Variants in R3HDM1 observed in about 807,000 individuals in gnomAD.
R3HDM1 encodes R3H domain-containing protein 1.
R3HDM1 carries 46 observed loss-of-function variants against 141.1 expected under a neutral mutation model. The observed-to-expected ratio is 0.33, with a 90% CI of 0.26 to 0.42. R3HDM1 has a LOEUF of 0.42. Among genes scored for constraint, R3HDM1 ranks in the 10% least tolerant of loss-of-function variants. The pLI, the probability that R3HDM1 is intolerant of heterozygous loss-of-function variation, is 1.00. For missense variants in R3HDM1, 1,184 were observed against 1,368.3 expected, an observed-to-expected ratio of 0.87 and a Z score of 2.12; for synonymous variants, 435 against 472.9, an observed-to-expected ratio of 0.92 and a Z score of 1.04.
intron 1 of R3HDM1, among the ~76,000 whole-genome samples, chr2:135,537,275 GTC>G (rs1696372447): frequency 7.8e-6 from 1 of 127,430 alleles, no homozygotes; most frequent in Non-Finnish European, 1.6e-5. Flanking sequence ...GCATTAGTCT[GTC>G]TTTTTTTTTT....
At chr2:135,695,217 C>G (rs1255328427) in intron 21 of R3HDM1, among the ~76,000 whole-genome samples, 1 of 152,186 alleles carries the variant, frequency 6.6e-6, no homozygotes, top group Non-Finnish European at 1.5e-5. Context: ...CAACACCCAA[C>G]AAGGTTAAAT....
chr2:135,641,973 ATT>A (rs11303510), intron 15 of R3HDM1, among the ~76,000 whole-genome samples, 183 bp downstream of exon 15: 2 of 151,958 alleles, frequency 1.3e-5, no homozygotes, highest in East Asian at 1.9e-4. Flanking sequence ...ATCAGAAAGC[ATT>A]TTTTTCCCCT....
chr2:135,650,668 G>T, intron 17 of R3HDM1: 1 of 983,900 alleles, frequency 1.0e-6, no homozygotes, highest in Non-Finnish European at 1.2e-6. Context: ...ACCATTCACT[G>T]AATTAGGCTA....
At chr2:135,715,446 A>C in intron 23 of R3HDM1, 104 bp from the exon 24 acceptor site, 4 of 1,281,474 alleles carry the variant, frequency 3.1e-6, no homozygotes, top group Non-Finnish European at 4.2e-6. Flanking sequence ...TGCTTCTATA[A>C]TGTTTGAATT....
rs2105274918 is a variant in R3HDM1 at position 135,650,011 on chromosome 2, A to G, written c.1725+8A>G. The stretch of plus-strand genomic sequence containing the variant: ...ACCCAGCAATACTCTGTGGTACTAT[A>G]TCTCTATTCACCTCCTGCGTTGTTT... On this transcript the variant is annotated splice_region_variant and intron_variant, in intron 17 of 26. Coordinates refer to ENST00000683871, the MANE Select transcript of R3HDM1 (RefSeq NM_001378107.1). The G allele has an allele frequency of 7.2e-6, 9 of 1,251,786 alleles. No individual in the cohort carries two copies. Among genetic ancestry groups the G allele is most frequent in the Non-Finnish European group, 8.3e-6 (8 of 961,410 alleles). 77.5% of individuals were successfully genotyped at this position (1,251,786 alleles called of 1,614,324 possible).
intron 25 of R3HDM1, 102 bp from the exon 26 acceptor site, chr2:135,722,367 C>CA (rs2076778791): frequency 7.9e-7 from 1 of 1,269,172 alleles, no homozygotes; most frequent in Non-Finnish European, 1.1e-6. Flanking sequence ...TGCCAGAGTG[C>CA]AAAACCCAAA....
At chr2:135,555,227 G>A (rs1050729228) in intron 1 of R3HDM1, among the ~76,000 whole-genome samples, 6 of 151,356 alleles carry the variant, frequency 4.0e-5, no homozygotes, top group East Asian at 1.9e-4. Context: ...AACCCAGGAG[G>A]TGGAGATTGT....
Position 135,605,027 on chromosome 2 carries a change from A to T in R3HDM1, c.171+11A>T, listed in dbSNP as rs779997849. Reference sequence around the variant, plus strand: ...AATATAGATTTGCAGGTAAACAGGAATTTTTCTCTGGCTACAAATACTAAA... The same window carrying T: ...AATATAGATTTGCAGGTAAACAGGATTTTTTCTCTGGCTACAAATACTAAA... On this transcript the variant is annotated intron_variant, in intron 3 of 26. Transcript: ENST00000683871. The T allele has an allele frequency of 1.3e-6, 2 of 1,546,968 alleles. No individual in the cohort carries two copies. The highest frequency in any genetic ancestry group is 1.8e-6 in the Non-Finnish European group (2 of 1,129,204).
intron 21 of R3HDM1, among the ~76,000 whole-genome samples, chr2:135,707,721 T>A (rs913001778): frequency 6.6e-6 from 1 of 152,212 alleles, no homozygotes. Flanking sequence ...TGGGGACCTT[T>A]CTGTTTTCCT....
intron 7 of R3HDM1, among the ~76,000 whole-genome samples, chr2:135,625,475 A>G (rs2061922743): frequency 6.6e-6 from 1 of 152,180 alleles, no homozygotes; most frequent in African/African-American, 2.4e-5. Flanking sequence ...ATTAAAATAA[A>G]ATAACAGAGG....
At chr2:135,679,867 G>A (rs1156808675) in intron 20 of R3HDM1, among the ~76,000 whole-genome samples, 1 of 152,148 alleles carries the variant, frequency 6.6e-6, no homozygotes, top group Admixed American at 6.5e-5. Flanking sequence ...ATCACTTGAG[G>A]TCAGGAGTTT....
chr2:135,696,232 T>C (rs748591743), intron 21 of R3HDM1, among the ~76,000 whole-genome samples: 2 of 152,104 alleles, frequency 1.3e-5, no homozygotes, highest in South Asian at 4.1e-4. Context: ...CCAAAAAATA[T>C]ATATAAACCA....
At chr2:135,566,833 A>G in intron 1 of R3HDM1, 2 of 893,704 alleles carry the variant, frequency 2.2e-6, no homozygotes, top group African/African-American at 1.8e-5. Context: ...ATTAGCCAGC[A>G]TGATGGCGGG....
intron 19 of R3HDM1, among the ~76,000 whole-genome samples, chr2:135,664,712 C>T (rs942570713): frequency 6.6e-6 from 1 of 152,194 alleles, no homozygotes; most frequent in Non-Finnish European, 1.5e-5. Flanking sequence ...ATGTACTAGT[C>T]TTTTGTTATG....
At chr2:135,590,500 G>A in intron 1 of R3HDM1, 1 of 942,874 alleles carries the variant, frequency 1.1e-6, no homozygotes, top group Non-Finnish European at 1.3e-6. Flanking sequence ...AAAACAATTT[G>A]ATGTGGTAGA....
At chr2:135,640,684 GATTA>G (rs1395508073) in intron 14 of R3HDM1, among the ~76,000 whole-genome samples, 4 of 152,126 alleles carry the variant, frequency 2.6e-5, no homozygotes, top group Non-Finnish European at 4.4e-5. Flanking sequence ...ATTCATTAAA[GATTA>G]ATTATCCATC....
intron 21 of R3HDM1, among the ~76,000 whole-genome samples, chr2:135,708,338 AT>A (rs1437268420): frequency 6.6e-6 from 1 of 152,128 alleles, no homozygotes; most frequent in African/African-American, 2.4e-5. Context: ...AGTTTCCCAT[AT>A]TCTGGATTTT....
At chr2:135,706,907 G>A (rs895460133) in intron 21 of R3HDM1, among the ~76,000 whole-genome samples, 3 of 152,054 alleles carry the variant, frequency 2.0e-5, no homozygotes, top group East Asian at 3.9e-4. Flanking sequence ...CCTCCCAGAC[G>A]GGGTGGTGGC....
intron 1 of R3HDM1, among the ~76,000 whole-genome samples, chr2:135,599,231 A>G (rs1433328643): frequency 6.6e-6 from 1 of 152,212 alleles, no homozygotes. Flanking sequence ...CAGGAATTAT[A>G]TATAAGCACA....
Sources: allele counts gnomAD v4.1 joint callset (sites outside exome capture counted in the v4.1 genomes callset), GRCh38; gene constraint gnomAD v4.1.1; transcripts MANE v1.5; gene names NCBI Gene and HGNC (gene_info 2026-07-23, HGNC 2026-07-21).